PARD3: variants seen among roughly 807,000 people sequenced by gnomAD.
The protein encoded by PARD3 is par-3 family cell polarity regulator, also known as partitioning defective 3 homolog.
Under a neutral mutation model 155.4 loss-of-function variants are expected in PARD3, and 75 were observed. That is an observed-to-expected ratio of 0.48 (90% CI 0.40 to 0.58). The LOEUF (loss-of-function observed/expected upper bound fraction) is 0.58, where lower values mean the gene tolerates loss of function less well. Among genes scored for constraint, PARD3 ranks in the 20% least tolerant of loss-of-function variants. The probability of loss-of-function intolerance (pLI) is 0.00; values close to 1 mark genes in which losing one functional copy is unlikely to be tolerated. For missense variants in PARD3, 1,642 were observed against 1,721.7 expected, an observed-to-expected ratio of 0.95 and a Z score of 0.82; for synonymous variants, 576 against 610.5, an observed-to-expected ratio of 0.94 and a Z score of 0.83.
chr10:34,464,860 A>T (rs2077903864), intron 4 of PARD3, among the ~76,000 whole-genome samples: 1 of 152,206 alleles, frequency 6.6e-6, no homozygotes. Context: ...AAGTTAATAC[A>T]TCAAAATGTC....
At chr10:34,502,367 C>T (rs1589800330) in intron 3 of PARD3, among the ~76,000 whole-genome samples, 1 of 152,218 alleles carries the variant, frequency 6.6e-6, no homozygotes, top group East Asian at 1.9e-4. Flanking sequence ...CGAAGGAAGG[C>T]AAGTGGACTC....
At chr10:34,633,267 A>AG in intron 2 of PARD3, among the ~76,000 whole-genome samples, 1 of 152,328 alleles carries the variant, frequency 6.6e-6, no homozygotes, top group African/African-American at 2.4e-5. Context: ...TCCAAAAAAA[A>AG]GAATAAGAAA....
At chr10:34,127,571 A>C (rs1386248365) in intron 23 of PARD3, among the ~76,000 whole-genome samples, 3 of 152,220 alleles carry the variant, frequency 2.0e-5, no homozygotes, top group Non-Finnish European at 4.4e-5. Context: ...ACATAGTAAG[A>C]ACTCAATGAA....
chr10:34,241,227 G>A (rs781100450), intron 22 of PARD3, among the ~76,000 whole-genome samples: 20 of 152,200 alleles, frequency 1.3e-4, no homozygotes, highest in African/African-American at 4.3e-4. Context: ...ACTCTGAGCT[G>A]AGCCTGGATA....
intron 3 of PARD3, among the ~76,000 whole-genome samples, chr10:34,485,918 G>GTTTTTTTT (rs66906403): frequency 2.1e-5 from 2 of 95,790 alleles, no homozygotes; most frequent in East Asian, 2.7e-4. Context: ...AACGTTTTGG[G>GTTTTTTTT]TTTTTTTTTT....
At chr10:34,629,944 G>A (rs1329843593) in intron 2 of PARD3, among the ~76,000 whole-genome samples, 1 of 152,140 alleles carries the variant, frequency 6.6e-6, no homozygotes, top group Non-Finnish European at 1.5e-5. Flanking sequence ...AGTATCTAAT[G>A]TATAACAAAA....
intron 22 of PARD3, among the ~76,000 whole-genome samples, chr10:34,211,557 G>A (rs1352164116): frequency 1.3e-5 from 2 of 152,166 alleles, no homozygotes; most frequent in Non-Finnish European, 2.9e-5. Flanking sequence ...CGAGGCAGAC[G>A]GATCACTTGA....
intron 1 of PARD3, among the ~76,000 whole-genome samples, chr10:34,713,661 G>A (rs796135617): frequency 1.3e-5 from 2 of 152,148 alleles, no homozygotes; most frequent in African/African-American, 4.8e-5. Flanking sequence ...AGCTGCTCAG[G>A]AGGCTGAGGT....
intron 1 of PARD3, among the ~76,000 whole-genome samples, chr10:34,792,088 C>A (rs760642141): frequency 6.6e-6 from 1 of 152,126 alleles, no homozygotes; most frequent in East Asian, 1.9e-4. Context: ...CTCAGATATG[C>A]GCCCTGTTCC....
At chr10:34,480,214 T>C (rs143157387) in intron 3 of PARD3, among the ~76,000 whole-genome samples, 319 of 152,328 alleles carry the variant, frequency 2.1e-3, no homozygotes, top group African/African-American at 6.8e-3. Flanking sequence ...CCTCTGCCTC[T>C]TTCTCCTACT....
chr10:34,473,802 A>C (rs980838864), intron 3 of PARD3, among the ~76,000 whole-genome samples: 3 of 152,178 alleles, frequency 2.0e-5, no homozygotes, highest in Non-Finnish European at 4.4e-5. Flanking sequence ...TTTCTGTATA[A>C]ACTTCCCCTT....
At chr10:34,393,505 C>G (rs12241899) in intron 7 of PARD3, among the ~76,000 whole-genome samples, 14 of 151,542 alleles carry the variant, frequency 9.2e-5, no homozygotes, top group Admixed American at 8.6e-4. Context: ...CACCTAAGCC[C>G]GGCAGGTTGA....
chr10:34,344,532 T>C, intron 15 of PARD3: 1 of 922,754 alleles, frequency 1.1e-6, no homozygotes, highest in Non-Finnish European at 1.3e-6. Flanking sequence ...TCCACCTGCC[T>C]GGGCCTCCCA....
At chr10:34,191,772 G>A (rs1258296385) in intron 22 of PARD3, among the ~76,000 whole-genome samples, 9 of 152,134 alleles carry the variant, frequency 5.9e-5, no homozygotes, top group Admixed American at 5.9e-4. Context: ...CCCCAGTGAA[G>A]AACAACAGTC....
At chr10:34,814,284 C>T (rs1055157111) in intron 1 of PARD3, among the ~76,000 whole-genome samples, 2 of 152,176 alleles carry the variant, frequency 1.3e-5, no homozygotes, top group Non-Finnish European at 2.9e-5. Flanking sequence ...CTGCAGCCCC[C>T]GGACGCGACG....
At chr10:34,579,572 G>GTGTA (rs1554775627) in intron 2 of PARD3, among the ~76,000 whole-genome samples, 5 of 149,660 alleles carry the variant, frequency 3.3e-5, no homozygotes, top group Admixed American at 3.3e-4. Flanking sequence ...GTGTGTGTGT[G>GTGTA]TGTGTGTGTG....
At chr10:34,712,338 G>C (rs547248201) in intron 1 of PARD3, among the ~76,000 whole-genome samples, 2 of 152,334 alleles carry the variant, frequency 1.3e-5, no homozygotes, top group Admixed American at 1.3e-4. Flanking sequence ...ACTCAAATCT[G>C]TATCTGCAAG....
intron 1 of PARD3, among the ~76,000 whole-genome samples, chr10:34,813,041 G>A (rs78394520): frequency 0.011 from 1,684 of 152,204 alleles, 34 homozygotes; most frequent in African/African-American, 0.038. Context: ...CACAGCCAGT[G>A]GGTCCCTTAG....
intron 22 of PARD3, among the ~76,000 whole-genome samples, chr10:34,200,242 C>T (rs887600748): frequency 1.3e-5 from 2 of 152,106 alleles, no homozygotes; most frequent in African/African-American, 2.4e-5. Flanking sequence ...CTTTAAGTAA[C>T]TGGTATAATG....
Sources: gnomAD v4.1 joint callset for allele counts (sites outside exome capture counted in the v4.1 genomes callset) on GRCh38, gnomAD v4.1.1 for gene constraint, MANE v1.5 for transcripts, NCBI Gene and HGNC (gene_info 2026-07-23, HGNC 2026-07-21) for gene names.